Variants in PPARA observed in about 807,000 individuals in gnomAD.
The protein encoded by PPARA is peroxisome proliferator-activated receptor alpha.
A neutral mutation model predicts 42.2 loss-of-function variants in PPARA; 22 were observed. The observed-to-expected ratio is 0.52, with a 90% CI of 0.37 to 0.74. The LOEUF is 0.74. Among genes scored for constraint, PPARA ranks in the 30% least tolerant of loss-of-function variants. The probability of loss-of-function intolerance (pLI) is 0.00; values close to 1 mark genes in which losing one functional copy is unlikely to be tolerated. For missense variants in PPARA, 465 were observed against 608.2 expected, an observed-to-expected ratio of 0.76 and a Z score of 2.48; for synonymous variants, 242 against 239.3, an observed-to-expected ratio of 1.01 and a Z score of -0.10.
At position 46,173,085 on chromosome 22, in the gene PPARA, T is replaced by C. The variant is rs1928345036; in HGVS notation, c.-126-3668T>C. Among the ~76,000 whole-genome samples, 1 of 152,244 alleles carries C rather than the reference T, an allele frequency of 6.6e-6. No homozygotes were observed. Among genetic ancestry groups the C allele is most frequent in the Non-Finnish European group, 1.5e-5 (1 of 68,046 alleles). On this transcript the variant is annotated intron_variant, in intron 2 of 8. Coordinates refer to ENST00000407236, the MANE Select transcript of PPARA (RefSeq NM_005036.6). This position sits in a 1 kb window ranked among gnomAD's most constrained non-coding sequence, Gnocchi z 4.3. ...CTTTGTCCCTTTAGAAAAGGATTTG[T>C]CCTGCAACCAGCTCTTGCAGAAGGT...
In PPARA at chr22:46,221,526, G is replaced by T. The variant is rs375422649; in HGVS notation, c.711+1512G>T. Among the ~76,000 whole-genome samples, 10 of 152,212 alleles carry T rather than the reference G, an allele frequency of 6.6e-5. No individual in the cohort carries two copies. The highest frequency in any genetic ancestry group is 2.4e-4 in the African/African-American group (10 of 41,458). ...AGAAAGGGCCACTTGTAAGCCAGGC[G>T]TGGTGGCTCACGCCTGTCATCCCAG... On this transcript the variant is annotated intron_variant, in intron 7 of 8. Coordinates refer to ENST00000407236, the MANE Select transcript of PPARA (RefSeq NM_005036.6). This position sits in a 1 kb window ranked among gnomAD's most constrained non-coding sequence, Gnocchi z 5.9.
rs1932979780 is a variant in PPARA at position 46,203,800 on chromosome 22, G to T, written c.208+5209G>T. On this transcript the variant is annotated intron_variant, in intron 4 of 8. Transcript: ENST00000407236. The surrounding 1 kb of genome is among the most constrained non-coding windows in gnomAD (Gnocchi z 5.8). ...CCCCATTCTCCCAATGCCCAGGTGG[G>T]TCCCCGTCCCTTGCGGGCCTGTCCA... is the stretch of plus-strand genomic sequence containing the variant. Among the ~76,000 whole-genome samples, 1 of 152,160 alleles carries T rather than the reference G, an allele frequency of 6.6e-6. No individual in the cohort carries two copies. The highest frequency in any genetic ancestry group is 1.5e-5 in the Non-Finnish European group (1 of 68,022).
intron 1 of PPARA, among the ~76,000 whole-genome samples, chr22:46,151,645 G>A (rs143295526): frequency 6.6e-6 from 1 of 152,372 alleles, no homozygotes; most frequent in East Asian, 1.9e-4. Flanking sequence ...GCACGCCCAC[G>A]TCAGCCTCAG....
At position 46,212,867 on chromosome 22, in the gene PPARA, G is replaced by A. The variant is rs1346072625; in HGVS notation, c.209-2306G>A. Among the ~76,000 whole-genome samples, 6 of 152,088 alleles carry A rather than the reference G, an allele frequency of 3.9e-5. No homozygotes were observed. Among genetic ancestry groups the A allele is most frequent in the Non-Finnish European group, 7.4e-5 (5 of 68,018 alleles). On this transcript the variant is annotated intron_variant, in intron 4 of 8. Transcript: ENST00000407236. This position sits in a 1 kb window ranked among gnomAD's most constrained non-coding sequence, Gnocchi z 4.2. ...AAAAATTAGCCGGGCGTGGTAATGG[G>A]CACCTGTAATCCCAGCTACTTGGAA...
rs934854298 is a variant in PPARA at position 46,171,474 on chromosome 22, A to C, written c.-126-5279A>C. 2.7e-5 allele frequency: 4 copies of C among 150,864 alleles called. No homozygotes were observed. Among genetic ancestry groups the C allele is most frequent in the African/African-American group, 7.3e-5 (3 of 41,336 alleles). The allele number at this position is 150,864 out of a possible 1,614,324, so 9.3% of individuals were successfully genotyped here. A position where few individuals can be genotyped will look rare whatever the true frequency, so the allele number is the denominator to read the frequency against. On this transcript the variant is annotated intron_variant, in intron 2 of 8. Coordinates refer to ENST00000407236, the MANE Select transcript of PPARA (RefSeq NM_005036.6). This position sits in a 1 kb window ranked among gnomAD's most constrained non-coding sequence, Gnocchi z 5.0. ...CTTAGCCGCCTTCAGGTACAGTAGG[A>C]GGAGCAAGCCCAGGACAGGTGAGTG...
chr22:46,165,455 G>A lies in PPARA; in HGVS notation c.-126-11298G>A, dbSNP rs1332680537. On this transcript the variant is annotated intron_variant, in intron 2 of 8. Transcript: ENST00000407236. This position sits in a 1 kb window ranked among gnomAD's most constrained non-coding sequence, Gnocchi z 5.5. ...TTTACAAGATAGTGAAGAACTGCCAGGCCATGGTCTGGAGAAGATGGAAAC... is the reference window on the plus strand; with the variant it reads ...TTTACAAGATAGTGAAGAACTGCCAAGCCATGGTCTGGAGAAGATGGAAAC... The A allele has an allele frequency of 6.6e-6, 1 of 152,258 alleles. No homozygotes were observed. The highest frequency in any genetic ancestry group is 1.5e-5 in the Non-Finnish European group (1 of 68,068). 9.4% of individuals were successfully genotyped at this position (152,258 alleles called of 1,614,324 possible).
chr22:46,235,235 T>C lies in PPARA; in HGVS notation c.1262T>C (p.Phe421Ser), dbSNP rs1260667648. Residue 421 changes from phenylalanine to serine, a missense_variant, in exon 9 of 9, where the codon TTT becomes TCT. Phe to Ser is a radical substitution (Grantham distance 155). This residue lies in a region of PPARA where 313 missense variants were observed against 469.1 expected (regional missense o/e 0.67). Transcript: ENST00000407236. The surrounding 1 kb of genome is among the most constrained non-coding windows in gnomAD (Gnocchi z 7.0). ...CAGAGCAACCACCCGGACGATATCT[T>C]TCTCTTCCCAAAACTTCTTCAAAAA... Reference protein sequence around the residue: ...HLQSNHPDDIFLFPKLLQKMA... With the variant: ...HLQSNHPDDISLFPKLLQKMA... 1 of 1,614,096 alleles carries C rather than the reference T, an allele frequency of 6.2e-7. No individual in the cohort carries two copies. Among genetic ancestry groups the C allele is most frequent in the Non-Finnish European group, 8.5e-7 (1 of 1,180,038 alleles).
At chr22:46,208,318 C>T (rs1282299087) in intron 4 of PPARA, among the ~76,000 whole-genome samples, 2 of 151,978 alleles carry the variant, frequency 1.3e-5, no homozygotes, top group African/African-American at 4.8e-5. Context: ...GAGGCCGAGG[C>T]GAGTGGATCA....
rs551365855 is a variant in PPARA at position 46,225,353 on chromosome 22, G to C, written c.711+5339G>C. Among the ~76,000 whole-genome samples the C allele has an allele frequency of 6.6e-6, 1 of 152,260 alleles. No homozygotes were observed. The highest frequency in any genetic ancestry group is 2.4e-5 in the African/African-American group (1 of 41,532). On this transcript the variant is annotated intron_variant, in intron 7 of 8. Coordinates refer to ENST00000407236, the MANE Select transcript of PPARA (RefSeq NM_005036.6). This position sits in a 1 kb window ranked among gnomAD's most constrained non-coding sequence, Gnocchi z 4.1. ...GGGGCTGAGGGAGGCAATAAAAATG[G>C]GTGCTTTTCAACAGTGTCTAAAAAC...
At chr22:46,159,642 A>T (rs2147119954) in intron 2 of PPARA, among the ~76,000 whole-genome samples, 1 of 152,376 alleles carries the variant, frequency 6.6e-6, no homozygotes, top group African/African-American at 2.4e-5. Flanking sequence ...AAATCATAAA[A>T]AGAAGCCTAG....
Position 46,219,732 on chromosome 22 carries a change from TG to T in PPARA, c.509-75del, listed in dbSNP as rs1408017588. The T allele has an allele frequency of 2.8e-6, 4 of 1,409,674 alleles. No homozygotes were observed. Among genetic ancestry groups the T allele is most frequent in the African/African-American group, 2.8e-5 (2 of 70,302 alleles). The allele number at this position is 1,409,674 out of a possible 1,614,324, so 87.3% of individuals were successfully genotyped here. A position where few individuals can be genotyped will look rare whatever the true frequency, so the allele number is the denominator to read the frequency against. On this transcript the variant is annotated intron_variant, in intron 6 of 8. Coordinates refer to ENST00000407236, the MANE Select transcript of PPARA (RefSeq NM_005036.6). This position sits in a 1 kb window ranked among gnomAD's most constrained non-coding sequence, Gnocchi z 4.8. ...AATTTTCATTCCTGGTTTAAAGTCCTGGGGGAGCCCCTCGTCCAGCCCTGTC... is the reference window on the plus strand; with the variant it reads ...AATTTTCATTCCTGGTTTAAAGTCCTGGGGAGCCCCTCGTCCAGCCCTGTC...
rs14842 is a variant in PPARA at position 46,243,560 on chromosome 22, A to G, written c.*8180A>G. 1 of 152,150 alleles carries G rather than the reference A, an allele frequency of 6.6e-6. No homozygotes were observed. The highest frequency in any genetic ancestry group is 2.4e-5 in the African/African-American group (1 of 41,364). The allele number at this position is 152,150 out of a possible 1,614,324, so 9.4% of individuals were successfully genotyped here. ...AGAAAATGGCTATAAAATAACCTTA[A>G]TTTTAAAAAAAAATCTTGGGTCTTC... On this transcript the variant is annotated 3_prime_UTR_variant, in exon 9 of 9. Coordinates refer to ENST00000407236, the MANE Select transcript of PPARA (RefSeq NM_005036.6). This position sits in a 1 kb window ranked among gnomAD's most constrained non-coding sequence, Gnocchi z 5.0.
intron 4 of PPARA, among the ~76,000 whole-genome samples, chr22:46,207,882 G>A (rs893066318): frequency 1.3e-5 from 2 of 150,664 alleles, no homozygotes; most frequent in East Asian, 2.0e-4. Flanking sequence ...GTGGAGACTC[G>A]CTATGTTGAC....
chr22:46,210,910 A>G (rs1933866104), intron 4 of PPARA, among the ~76,000 whole-genome samples: 2 of 152,116 alleles, frequency 1.3e-5, no homozygotes, highest in South Asian at 4.1e-4. Context: ...GGACTATCAC[A>G]GTGTTTGTTT....
chr22:46,219,043 T>C lies in PPARA; in HGVS notation c.508+642T>C, dbSNP rs1051462557. Among the ~76,000 whole-genome samples the C allele has an allele frequency of 6.7e-6, 1 of 148,846 alleles. No individual in the cohort carries two copies. Among genetic ancestry groups the C allele is most frequent in the African/African-American group, 2.5e-5 (1 of 40,214 alleles). On this transcript the variant is annotated intron_variant, in intron 6 of 8. Transcript: ENST00000407236. The surrounding 1 kb of genome is among the most constrained non-coding windows in gnomAD (Gnocchi z 4.8). ...TGGGCATGGTAGTGCACACCTGTAA[T>C]CCCAGCTACTTGGGAGGATGAGACA...
In PPARA at chr22:46,200,484, C is replaced by G. The variant is rs75706244; in HGVS notation, c.208+1893C>G. ...ATTTGTGCGTCTAAACATACCAAAA[C>G]ATATAGTAGAAAAGGTTACAGCAAA... On this transcript the variant is annotated intron_variant, in intron 4 of 8. Coordinates refer to ENST00000407236, the MANE Select transcript of PPARA (RefSeq NM_005036.6). This position sits in a 1 kb window ranked among gnomAD's most constrained non-coding sequence, Gnocchi z 4.8. 2.4e-3 allele frequency among the ~76,000 whole-genome samples: 365 copies of G among 152,382 alleles called. 5 individuals carry two copies. The highest frequency in any genetic ancestry group is 8.4e-3 in the African/African-American group (349 of 41,596).
In PPARA at chr22:46,205,519, CATATATATATATATATAT is replaced by C. The variant is rs552533545; in HGVS notation, c.208+6947_208+6964del. Among the ~76,000 whole-genome samples the C allele has an allele frequency of 9.8e-3, 338 of 34,416 alleles. 5 individuals are homozygous for C. The highest frequency in any genetic ancestry group is 0.028 in the African/African-American group (238 of 8,382). 22.6% of individuals were successfully genotyped at this position (34,416 alleles called of 152,430 possible). A position where few individuals can be genotyped will look rare whatever the true frequency, so the allele number is the denominator to read the frequency against. On this transcript the variant is annotated intron_variant, in intron 4 of 8. Transcript: ENST00000407236. ...ACAGGCGTGAGCCACCATGCCCAGCCATATATATATATATATATATATATATATATATATATTTTTTTT... is the reference window on the plus strand; with the variant it reads ...ACAGGCGTGAGCCACCATGCCCAGCCATATATATATATATATATTTTTTTT...
rs575940585 is a variant in PPARA, at chr22:46,224,961, G to A, written c.711+4947G>A. Among the ~76,000 whole-genome samples, 130 of 118,198 alleles carry A rather than the reference G, an allele frequency of 1.1e-3. No homozygotes were observed. The highest frequency in any genetic ancestry group is 2.1e-3 in the South Asian group (6 of 2,866). The allele number at this position is 118,198 out of a possible 152,430, so 77.5% of individuals were successfully genotyped here. A position where few individuals can be genotyped will look rare whatever the true frequency, so the allele number is the denominator to read the frequency against. ...AAGCCCCATGGCTGAGCTGGAACAG[G>A]CTAGAATGCTGGGGGGGGGCCTGAA... is the stretch of plus-strand genomic sequence containing the variant. On this transcript the variant is annotated intron_variant, in intron 7 of 8. Transcript: ENST00000407236. This position sits in a 1 kb window ranked among gnomAD's most constrained non-coding sequence, Gnocchi z 5.7.
At chr22:46,214,768 C>G (rs553711421) in intron 4 of PPARA, among the ~76,000 whole-genome samples, 3 of 142,592 alleles carry the variant, frequency 2.1e-5, no homozygotes, top group South Asian at 2.3e-4. Context: ...TCCGGAGATG[C>G]GCGGGGCGGA....
Sources: gnomAD v4.1 joint callset for allele counts (sites outside exome capture counted in the v4.1 genomes callset) on GRCh38, gnomAD v4.1.1 for gene constraint, gnomAD v4.1.1 regional missense constraint, Gnocchi (gnomAD v3.1) non-coding constraint, MANE v1.5 for transcripts, NCBI Gene and HGNC (gene_info 2026-07-23, HGNC 2026-07-21) for gene names.